Variants in PHLPP1 observed in about 807,000 individuals in gnomAD.
The protein encoded by PHLPP1 is PH domain and leucine rich repeat protein phosphatase 1.
PHLPP1 carries 42 observed loss-of-function variants against 117.2 expected under a neutral mutation model. The ratio of observed to expected loss-of-function variants is 0.36; its 90% CI spans 0.28 to 0.46. The LOEUF is 0.46. Ranked by LOEUF, PHLPP1 falls within the 20% of genes least tolerant of loss-of-function variation. PHLPP1 has a pLI of 1.00. For missense variants in PHLPP1, 2,084 were observed against 2,241.9 expected, an observed-to-expected ratio of 0.93 and a Z score of 1.42; for synonymous variants, 1,042 against 970.7, an observed-to-expected ratio of 1.07 and a Z score of -1.37.
chr18:62,936,894 A>C (rs1909985645), intron 10 of PHLPP1, among the ~76,000 whole-genome samples: 2 of 152,216 alleles, frequency 1.3e-5, no homozygotes. Context: ...AACAAGCAAT[A>C]ATAAGAAACT....
intron 1 of PHLPP1, among the ~76,000 whole-genome samples, chr18:62,792,681 G>A (rs1913496937): frequency 6.6e-6 from 1 of 151,704 alleles, no homozygotes; most frequent in African/African-American, 2.4e-5. Flanking sequence ...GACCAGTCTG[G>A]GCAACATAGG....
At chr18:62,775,243 G>A (rs1217130732) in intron 1 of PHLPP1, among the ~76,000 whole-genome samples, 4 of 152,096 alleles carry the variant, frequency 2.6e-5, no homozygotes, top group South Asian at 4.2e-4. Flanking sequence ...GATTATAGGC[G>A]CCTACCACCA....
chr18:62,867,956 C>T (rs938507610), intron 4 of PHLPP1, among the ~76,000 whole-genome samples: 15 of 151,810 alleles, frequency 9.9e-5, no homozygotes, highest in Admixed American at 2.6e-4. Flanking sequence ...GGATTACAGG[C>T]GCCCACCACC....
intron 3 of PHLPP1, among the ~76,000 whole-genome samples, chr18:62,847,235 G>A (rs1378064407): frequency 6.6e-6 from 1 of 152,126 alleles, no homozygotes; most frequent in African/African-American, 2.4e-5. Context: ...CTCCAGCTGT[G>A]TTGGAATTAG....
At chr18:62,914,142 A>G (rs779590681) in intron 8 of PHLPP1, among the ~76,000 whole-genome samples, 5 of 152,100 alleles carry the variant, frequency 3.3e-5, no homozygotes, top group Non-Finnish European at 1.5e-5. Context: ...TGAACTTTTC[A>G]CTGCCACCAT....
chr18:62,972,632 G>T lies in PHLPP1; in HGVS notation c.3679G>T (p.Asp1227Tyr). The T allele has an allele frequency of 6.2e-7, 1 of 1,613,922 alleles. No individual in the cohort carries two copies. Among genetic ancestry groups the T allele is most frequent in the South Asian group, 1.1e-5 (1 of 91,084 alleles). ...CTACCTTCTCCAGTGCACTATGAGT[G>T]ACATTTTGGCTGAAGAGCTGCAAAA... ...VPYLLQCTMS[D>Y]ILAEELQKTK... The change falls in exon 15 of 17, where the codon GAC (aspartate) becomes TAC (tyrosine). Residue 1227 changes from aspartate (D) to tyrosine (Y), a missense_variant. Physicochemically the swap from Asp to Tyr is radical, Grantham distance 160. Transcript: ENST00000262719.
intron 4 of PHLPP1, among the ~76,000 whole-genome samples, chr18:62,880,492 C>T (rs1038363023): frequency 8.6e-5 from 13 of 151,856 alleles, no homozygotes; most frequent in African/African-American, 3.1e-4. Flanking sequence ...CCATTTTCTG[C>T]CTTTTTAAGG....
At position 62,716,967 on chromosome 18, in the gene PHLPP1, G is replaced by A; in HGVS notation, c.1284G>A (p.Gly428=). The A allele has an allele frequency of 6.5e-7, 1 of 1,539,768 alleles. No homozygotes were observed. The highest frequency in any genetic ancestry group is 2.0e-5 in the Admixed American group (1 of 50,910). The change falls in exon 1 of 17, where the codon GGG becomes GGA. Residue 428 remains glycine, a synonymous_variant. Transcript: ENST00000262719. The surrounding 1 kb of genome is among the most constrained non-coding windows in gnomAD (Gnocchi z 5.7). ...CGAGGGCCATTGACAGCCCGGGCGG[G>A]GCCGTCCGCGAGGGGTCGTGCGAGG... ...KAPRAIDSPG[G]AVREGSCEEK...
intron 10 of PHLPP1, among the ~76,000 whole-genome samples, chr18:62,928,794 G>T (rs1306205325): frequency 6.6e-6 from 1 of 152,160 alleles, no homozygotes; most frequent in Non-Finnish European, 1.5e-5. Flanking sequence ...TGTTATAATA[G>T]ATAGTGGAAT....
intron 1 of PHLPP1, among the ~76,000 whole-genome samples, chr18:62,732,968 A>G (rs905207624): frequency 3.2e-4 from 49 of 152,234 alleles, no homozygotes; most frequent in African/African-American, 1.0e-3. Context: ...ATGGACAAGC[A>G]AAGAAAGTGG....
At position 62,715,674 on chromosome 18, in the gene PHLPP1, C is replaced by T; in HGVS notation, c.-10C>T. The T allele has an allele frequency of 7.8e-7, 1 of 1,283,024 alleles. No individual in the cohort carries two copies. Among genetic ancestry groups the T allele is most frequent in the Admixed American group, 3.6e-5 (1 of 27,596 alleles). 79.5% of individuals were successfully genotyped at this position (1,283,024 alleles called of 1,614,324 possible). ...CCGGAGCTGGGGGGGAAACGCGAAG[C>T]CCCACTGCAATGGAGCCCGCCGCCG... On this transcript the variant is annotated 5_prime_UTR_variant, in exon 1 of 17. Coordinates refer to ENST00000262719, the MANE Select transcript of PHLPP1 (RefSeq NM_194449.4).
At chr18:62,958,396 A>G (rs1910678792) in intron 12 of PHLPP1, among the ~76,000 whole-genome samples, 1 of 152,262 alleles carries the variant, frequency 6.6e-6, no homozygotes, top group Non-Finnish European at 1.5e-5. Context: ...TAGGAAGAAT[A>G]AAGAACATGG....
At chr18:62,924,097 G>A (rs185787738) in intron 10 of PHLPP1, among the ~76,000 whole-genome samples, 3 of 152,220 alleles carry the variant, frequency 2.0e-5, no homozygotes, top group East Asian at 1.9e-4. Context: ...TAGAATAGAC[G>A]GAAAATTACA....
intron 1 of PHLPP1, among the ~76,000 whole-genome samples, chr18:62,812,377 G>T (rs778882222): frequency 3.3e-5 from 5 of 152,180 alleles, no homozygotes; most frequent in Non-Finnish European, 7.3e-5. Flanking sequence ...GAGCTGTCTA[G>T]CGTCATCATC....
chr18:62,737,583 C>T lies in PHLPP1; in HGVS notation c.1576+20324C>T, dbSNP rs574725622. ...AAGGAATGATATGCTGCCCTTGGCTCAGGGAGTTCAGCCTAGTGGCAGGGA... is the reference window on the plus strand; with the variant it reads ...AAGGAATGATATGCTGCCCTTGGCTTAGGGAGTTCAGCCTAGTGGCAGGGA... On this transcript the variant is annotated intron_variant, in intron 1 of 16. Coordinates refer to ENST00000262719, the MANE Select transcript of PHLPP1 (RefSeq NM_194449.4). Among the ~76,000 whole-genome samples, 4 of 152,290 alleles carry T rather than the reference C, an allele frequency of 2.6e-5. No homozygotes were observed. The South Asian group carries it at 6.2e-4, about 24-fold the overall frequency.
At chr18:62,897,571 A>C (rs1222063434) in intron 6 of PHLPP1, among the ~76,000 whole-genome samples, 1 of 152,236 alleles carries the variant, frequency 6.6e-6, no homozygotes, top group Middle Eastern at 3.4e-3. Flanking sequence ...CAGTGGCATG[A>C]TCTCAGCTCA....
intron 14 of PHLPP1, among the ~76,000 whole-genome samples, 187 bp from the exon 15 acceptor site, chr18:62,972,327 T>C (rs1911074651): frequency 6.6e-6 from 1 of 152,234 alleles, no homozygotes; most frequent in South Asian, 2.1e-4. Flanking sequence ...TAATTTGTGC[T>C]CATCCTTCTC....
intron 13 of PHLPP1, among the ~76,000 whole-genome samples, chr18:62,960,811 A>T (rs2144478716): frequency 6.6e-6 from 1 of 152,356 alleles, no homozygotes; most frequent in East Asian, 1.9e-4. Context: ...ATAGCAAAAA[A>T]TCATAATACT....
intron 3 of PHLPP1, among the ~76,000 whole-genome samples, chr18:62,847,225 C>T (rs1915203492): frequency 6.6e-6 from 1 of 152,154 alleles, no homozygotes; most frequent in African/African-American, 2.4e-5. Flanking sequence ...CCCCTTCTTT[C>T]TCCAGCTGTG....
Sources: gnomAD v4.1 joint callset for allele counts (sites outside exome capture counted in the v4.1 genomes callset) on GRCh38, gnomAD v4.1.1 for gene constraint, Gnocchi (gnomAD v3.1) non-coding constraint, MANE v1.5 for transcripts, NCBI Gene and HGNC (gene_info 2026-07-23, HGNC 2026-07-21) for gene names.